The following PRDM6 variants were observed in gnomAD, a reference collection of about 807,000 sequenced individuals.
PRDM6 encodes putative histone-lysine N-methyltransferase PRDM6.
A neutral mutation model predicts 60.8 loss-of-function variants in PRDM6; 25 were observed. The observed-to-expected ratio is 0.41, with a 90% CI of 0.30 to 0.57. The LOEUF (loss-of-function observed/expected upper bound fraction) is 0.57, where lower values mean the gene tolerates loss of function less well. PRDM6 is among the 20% of genes least tolerant of loss of function. The pLI is 0.27. For missense variants in PRDM6, 839 were observed against 821.3 expected (o/e 1.02, Z -0.26); for synonymous variants, 407 against 357.4 (o/e 1.14, Z -1.57).
At chr5:123,103,293 T>C (rs1013578821) in intron 3 of PRDM6, among the ~76,000 whole-genome samples, 3 of 152,152 alleles carry the variant, frequency 2.0e-5, no homozygotes, top group South Asian at 4.1e-4. Context: ...TCATTTATTT[T>C]TGCTAGTTTC....
Position 123,099,699 on chromosome 5 carries a change from A to G in PRDM6, c.638A>G (p.His213Arg). 6.6e-7 allele frequency: 1 copy of G among 1,518,178 alleles called. No individual in the cohort carries two copies. Among genetic ancestry groups the G allele is most frequent in the Non-Finnish European group, 8.8e-7 (1 of 1,133,568 alleles). The allele number at this position is 1,518,178 out of a possible 1,614,324, so 94.0% of individuals were successfully genotyped here. A position where few individuals can be genotyped will look rare whatever the true frequency, so the allele number is the denominator to read the frequency against. Reference protein sequence around the residue: ...ADNRNGECPMHGPLHSLRRLV... With the variant: ...ADNRNGECPMRGPLHSLRRLV... ...AACCGCAACGGCGAGTGCCCTATGC[A>G]TGGGCCACTGCACTCGCTGCGCCGG... The change falls in exon 3 of 8, where the codon CAT becomes CGT. Residue 213 changes from histidine (H) to arginine (R), a missense_variant. Physicochemically the swap from His to Arg is conservative, Grantham distance 29 (BLOSUM62 0). Transcript: ENST00000407847. The surrounding 1 kb of genome is among the most constrained non-coding windows in gnomAD (Gnocchi z 4.0).
intron 5 of PRDM6, among the ~76,000 whole-genome samples, chr5:123,167,375 A>C (rs1765775051): frequency 6.7e-6 from 1 of 149,724 alleles, no homozygotes; most frequent in Admixed American, 6.7e-5. Context: ...ATTTTTTAGA[A>C]TTAATCAATT....
chr5:123,165,401 T>C (rs1485186362), intron 5 of PRDM6, among the ~76,000 whole-genome samples: 3 of 152,232 alleles, frequency 2.0e-5, no homozygotes, highest in Non-Finnish European at 4.4e-5. Flanking sequence ...TGATTGCATA[T>C]TCTTAATGCA....
intron 6 of PRDM6, among the ~76,000 whole-genome samples, chr5:123,178,287 A>G (rs1458362906): frequency 6.6e-6 from 1 of 152,202 alleles, no homozygotes; most frequent in Non-Finnish European, 1.5e-5. Context: ...GAGGCTAATA[A>G]ATGTTAATGG....
At position 123,090,115 on chromosome 5, in the gene PRDM6, C is replaced by T. The variant is rs998691055; in HGVS notation, c.101C>T (p.Pro34Leu). 5.2e-6 allele frequency: 8 copies of T among 1,541,770 alleles called. No individual in the cohort carries two copies. Among genetic ancestry groups the T allele is most frequent in the Middle Eastern group, 1.7e-4 (1 of 5,920 alleles). The change falls in exon 2 of 8, where the codon CCG (proline) becomes CTG (leucine). Residue 34 changes from proline to leucine, a missense_variant. Around this residue, in one of 2 missense-constraint regions of PRDM6, gnomAD observed 730 missense variants for 648.8 expected, o/e 1.13. Transcript: ENST00000407847. ...QQLFPHGGAG[P>L]LKGSGAAGLL... ...CTCTTCCCTCACGGAGGCGCAGGCCCGCTCAAGGGCAGCGGCGCCGCGGGT... is the reference window on the plus strand; with the variant it reads ...CTCTTCCCTCACGGAGGCGCAGGCCTGCTCAAGGGCAGCGGCGCCGCGGGT...
chr5:123,159,756 A>T (rs933531524), intron 5 of PRDM6, 118 bp downstream of exon 5: 35 of 978,356 alleles, frequency 3.6e-5, no homozygotes, highest in Non-Finnish European at 1.7e-5. Flanking sequence ...TAACACAAAC[A>T]TATACAAGTC....
intron 3 of PRDM6, among the ~76,000 whole-genome samples, chr5:123,142,885 AAAAAAAAAAAAAAAAAAC>A (rs1765140817): frequency 6.8e-6 from 1 of 147,230 alleles, no homozygotes; most frequent in Non-Finnish European, 1.5e-5. Flanking sequence ...ACCAAAAAAA[AAAAAAAAAAAAAAAAAAC>A]AAACAAACCA....
intron 3 of PRDM6, among the ~76,000 whole-genome samples, chr5:123,147,580 A>AT (rs1447170041): frequency 6.6e-6 from 1 of 152,146 alleles, no homozygotes; most frequent in African/African-American, 2.4e-5. Flanking sequence ...GATGGATAAA[A>AT]TTTTTTTCAC....
chr5:123,117,386 A>G (rs1015298790), intron 3 of PRDM6, among the ~76,000 whole-genome samples: 14 of 152,164 alleles, frequency 9.2e-5, no homozygotes, highest in African/African-American at 2.4e-4. Context: ...GCAGTGGGTC[A>G]TTTGAGGTAC....
intron 6 of PRDM6, among the ~76,000 whole-genome samples, chr5:123,176,323 T>C (rs1020208822): frequency 5.8e-5 from 8 of 138,358 alleles, no homozygotes; most frequent in African/African-American, 1.3e-4. Flanking sequence ...TGTGAGATAC[T>C]GTCCTTTTGT....
rs894171500 is a variant in PRDM6 at position 123,187,350 on chromosome 5, A to G, written c.*149A>G. The G allele has an allele frequency of 1.8e-6, 1 of 557,994 alleles. No homozygotes were observed. Among genetic ancestry groups the G allele is most frequent in the African/African-American group, 1.9e-5 (1 of 52,934 alleles). The allele number at this position is 557,994 out of a possible 1,614,324, so 34.6% of individuals were successfully genotyped here. A position where few individuals can be genotyped will look rare whatever the true frequency, so the allele number is the denominator to read the frequency against. ...TAAAATAAGTAAGATGTTAAGAGATATTGATCCTGGCATGGAAGTCAGACC... is the reference window on the plus strand; with the variant it reads ...TAAAATAAGTAAGATGTTAAGAGATGTTGATCCTGGCATGGAAGTCAGACC... On this transcript the variant is annotated 3_prime_UTR_variant, in exon 8 of 8. Coordinates refer to ENST00000407847, the MANE Select transcript of PRDM6 (RefSeq NM_001136239.4).
At chr5:123,164,638 C>T (rs1235454356) in intron 5 of PRDM6, among the ~76,000 whole-genome samples, 1 of 152,186 alleles carries the variant, frequency 6.6e-6, no homozygotes, top group East Asian at 1.9e-4. Flanking sequence ...AAGAAGGCAG[C>T]ACCCACTAAA....
At position 123,156,012 on chromosome 5, in the gene PRDM6, G is replaced by A; in HGVS notation, c.1028+1G>A. ...AGAATCTAACAGTAGTTCAGTACAG[G>A]TAAAGTATATCTTGATTTACCACCT... On this transcript the variant is annotated splice_donor_variant, in intron 4 of 7. Transcript: ENST00000407847. LOFTEE classifies it high-confidence loss of function. 1 of 1,549,560 alleles carries A rather than the reference G, an allele frequency of 6.5e-7. No individual in the cohort carries two copies. The highest frequency in any genetic ancestry group is 8.7e-7 in the Non-Finnish European group (1 of 1,146,218).
At chr5:123,173,008 G>A (rs1167794386) in intron 6 of PRDM6, among the ~76,000 whole-genome samples, 5 of 152,000 alleles carry the variant, frequency 3.3e-5, no homozygotes, top group East Asian at 3.9e-4. Context: ...TGGCTAACAC[G>A]GTGAAACCCT....
At position 123,167,311 on chromosome 5, in the gene PRDM6, CCT is replaced by C. The variant is rs201258827; in HGVS notation, c.1154-3454_1154-3453del. On this transcript the variant is annotated intron_variant, in intron 5 of 7. Coordinates refer to ENST00000407847, the MANE Select transcript of PRDM6 (RefSeq NM_001136239.4). Reference sequence around the variant, plus strand: ...ATCAATCTCTCTTCATCCCTACTCCCCTGTCACCCACACATTCTTTTGTTTTA... The same window carrying C: ...ATCAATCTCTCTTCATCCCTACTCCCGTCACCCACACATTCTTTTGTTTTA... Among the ~76,000 whole-genome samples, 1,172 of 152,284 alleles carry C rather than the reference CCT, an allele frequency of 7.7e-3. 23 individuals carry two copies. The highest frequency in any genetic ancestry group is 0.027 in the African/African-American group (1,119 of 41,552).
Position 123,189,555 on chromosome 5 carries a change from A to C in PRDM6, c.*2354A>C, listed in dbSNP as rs1434928051. The C allele has an allele frequency of 6.6e-6, 1 of 152,168 alleles. No homozygotes were observed. Among genetic ancestry groups the C allele is most frequent in the African/African-American group, 2.4e-5 (1 of 41,442 alleles). 9.4% of individuals were successfully genotyped at this position (152,168 alleles called of 1,614,324 possible). On this transcript the variant is annotated 3_prime_UTR_variant, in exon 8 of 8. Transcript: ENST00000407847. ...GCTAGCTGATCCCAAACTTCCACTG[A>C]ATGTGGCAGTAACCTGTACTCCAAA...
chr5:123,139,341 G>C (rs1441039876), intron 3 of PRDM6, among the ~76,000 whole-genome samples: 1 of 152,062 alleles, frequency 6.6e-6, no homozygotes, highest in Non-Finnish European at 1.5e-5. Flanking sequence ...ACTGGCTGAA[G>C]TGAGCTTTAA....
At position 123,090,620 on chromosome 5, in the gene PRDM6, G is replaced by A. The variant is rs1310871697; in HGVS notation, c.592+14G>A. On this transcript the variant is annotated intron_variant, in intron 2 of 7. Transcript: ENST00000407847. ...ACCCCAACAACCGTACGTAGCCGCA[G>A]CCCGCGCGCTCTCTCCCGGGGCGCC... 23 of 1,452,026 alleles carry A rather than the reference G, an allele frequency of 1.6e-5. No individual in the cohort carries two copies. The highest frequency in any genetic ancestry group is 2.1e-5 in the Non-Finnish European group (23 of 1,102,050). 89.9% of individuals were successfully genotyped at this position (1,452,026 alleles called of 1,614,324 possible).
chr5:123,123,881 G>A (rs1764636887), intron 3 of PRDM6, among the ~76,000 whole-genome samples: 1 of 152,200 alleles, frequency 6.6e-6, no homozygotes, highest in Non-Finnish European at 1.5e-5. Flanking sequence ...AAATAACATG[G>A]AGAAGAAAAG....
Sources: gnomAD v4.1 joint callset for allele counts (sites outside exome capture counted in the v4.1 genomes callset) on GRCh38, gnomAD v4.1.1 for gene constraint, gnomAD v4.1.1 regional missense constraint, Gnocchi (gnomAD v3.1) non-coding constraint, MANE v1.5 for transcripts, NCBI Gene and HGNC (gene_info 2026-07-23, HGNC 2026-07-21) for gene names.